The following GATA4 variants were observed in gnomAD, a reference collection of about 807,000 sequenced individuals.
GATA4 encodes GATA binding protein 4.
A neutral mutation model predicts 37.9 loss-of-function variants in GATA4; 7 were observed. The observed-to-expected ratio is 0.18, with a 90% CI of 0.11 to 0.35. The LOEUF is 0.35. Among genes scored for constraint, GATA4 ranks in the 10% least tolerant of loss-of-function variants. GATA4 has a pLI of 1.00. For missense variants in GATA4, 647 were observed against 653.0 expected (o/e 0.99, Z 0.10); for synonymous variants, 372 against 292.6 (o/e 1.27, Z -2.77).
chr8:11,721,675 A>G (rs1358173453), intron 2 of GATA4, among the ~76,000 whole-genome samples: 1 of 152,136 alleles, frequency 6.6e-6, no homozygotes, highest in Admixed American at 6.5e-5. Flanking sequence ...AACTCAAGCC[A>G]ATTTTAGTCC....
chr8:11,697,192 CAG>C (rs1339336661), intron 1 of GATA4, among the ~76,000 whole-genome samples: 1 of 152,244 alleles, frequency 6.6e-6, no homozygotes, highest in Non-Finnish European at 1.5e-5. Flanking sequence ...TGCTGCAGAA[CAG>C]GGGGCAGCAC....
At chr8:11,723,837 G>T (rs535903301) in intron 2 of GATA4, among the ~76,000 whole-genome samples, 1 of 152,094 alleles carries the variant, frequency 6.6e-6, no homozygotes, top group South Asian at 2.1e-4. Flanking sequence ...AAAATGTACC[G>T]TTTTAGCCAT....
chr8:11,757,535 T>TAC (rs1802658770), intron 6 of GATA4, among the ~76,000 whole-genome samples: 1 of 152,144 alleles, frequency 6.6e-6, no homozygotes, highest in African/African-American at 2.4e-5. Context: ...GTCTGCCTCC[T>TAC]ACGTGCAGGG....
intron 1 of GATA4, chr8:11,680,736 C>A: frequency 1.0e-6 from 1 of 985,316 alleles, no homozygotes; most frequent in Non-Finnish European, 1.2e-6. Flanking sequence ...CCCTGGGCGG[C>A]GAGGAGAGCC....
intron 2 of GATA4, among the ~76,000 whole-genome samples, chr8:11,730,865 T>A (rs973700648): frequency 2.0e-5 from 3 of 152,236 alleles, no homozygotes; most frequent in African/African-American, 4.8e-5. Context: ...TCAGCCTGAC[T>A]TCCCCGGCCA....
chr8:11,681,842 A>G (rs969841274), intron 1 of GATA4, among the ~76,000 whole-genome samples: 1 of 152,038 alleles, frequency 6.6e-6, no homozygotes, highest in Admixed American at 6.6e-5. Context: ...GACCCGGCTG[A>G]TGTAAGGACT....
rs573032113 is a variant in GATA4 at position 11,681,429 on chromosome 8, G to C, written c.-274+4366G>C. ...CGCGTGGCTCAACTCGGGGGCCGTA[G>C]CTACGATCCCCGCGCAGACGCCGGA... On this transcript the variant is annotated intron_variant, in intron 1 of 6. Coordinates refer to the GATA4 transcript ENST00000528712. The C allele has an allele frequency of 5.1e-6, 5 of 984,516 alleles. No homozygotes were observed. In the Admixed American group the frequency reaches 1.9e-4, roughly 36 times the overall value. 61.0% of individuals were successfully genotyped at this position (984,516 alleles called of 1,614,324 possible).
intron 2 of GATA4, among the ~76,000 whole-genome samples, chr8:11,748,664 C>T (rs1162413599): frequency 6.6e-6 from 1 of 152,146 alleles, no homozygotes; most frequent in Non-Finnish European, 1.5e-5. Flanking sequence ...AGGTGTCCCG[C>T]CTCCCAGCCC....
chr8:11,681,406 C>A (rs1029423789), intron 1 of GATA4: 1 of 984,870 alleles, frequency 1.0e-6, no homozygotes, highest in Non-Finnish European at 1.2e-6. Flanking sequence ...CGGGATCACG[C>A]GTGGCTCAAC....
intron 1 of GATA4, among the ~76,000 whole-genome samples, chr8:11,686,737 T>C (rs1347488445): frequency 6.6e-6 from 1 of 152,186 alleles, no homozygotes; most frequent in Non-Finnish European, 1.5e-5. Context: ...CAGTAGCTCA[T>C]GCCTCTAATC....
At chr8:11,729,052 G>C (rs186322257) in intron 2 of GATA4, among the ~76,000 whole-genome samples, 2 of 152,100 alleles carry the variant, frequency 1.3e-5, no homozygotes, top group African/African-American at 2.4e-5. Context: ...GGCCAACATG[G>C]TGAAACCCCT....
chr8:11,724,732 G>GTGTA (rs943310214), intron 2 of GATA4, among the ~76,000 whole-genome samples: 2 of 152,182 alleles, frequency 1.3e-5, no homozygotes, highest in Non-Finnish European at 2.9e-5. Flanking sequence ...GTGTGTGTGT[G>GTGTA]TATCAAATGC....
At chr8:11,692,759 CG>C (rs1222187932) in intron 1 of GATA4, 3 of 982,176 alleles carry the variant, frequency 3.1e-6, no homozygotes, top group African/African-American at 1.8e-5. Flanking sequence ...CGCGGACGGA[CG>C]GGGGGCGGGA....
chr8:11,756,899 C>T lies in GATA4; in HGVS notation c.1001-36C>T, dbSNP rs372062855. 469 of 1,614,132 alleles carry T rather than the reference C, an allele frequency of 2.9e-4. 6 individuals carry two copies. The South Asian group carries it at 3.7e-3, about 13-fold the overall frequency. ...CTGCCGGCTGTTCGTTTGTCCCTGC[C>T]GCTGATTTGGGTGTGCTGACTCTGC... On this transcript the variant is annotated intron_variant, in intron 5 of 6. Transcript: ENST00000532059.
chr8:11,687,629 T>C (rs567721801), upstream of GATA4, among the ~76,000 whole-genome samples: 3 of 152,326 alleles, frequency 2.0e-5, no homozygotes, highest in South Asian at 2.1e-4. Flanking sequence ...GATTCAGAGA[T>C]GTTGTAAAGC....
chr8:11,732,919 C>G (rs984779898), intron 2 of GATA4, among the ~76,000 whole-genome samples: 2 of 152,154 alleles, frequency 1.3e-5, no homozygotes, highest in African/African-American at 4.8e-5. Context: ...TGGTCCATAC[C>G]TCTCAGCTCT....
upstream of GATA4, among the ~76,000 whole-genome samples, chr8:11,687,631 T>C (rs559942094): frequency 3.3e-5 from 5 of 152,324 alleles, no homozygotes; most frequent in African/African-American, 1.2e-4. Flanking sequence ...TTCAGAGATG[T>C]TGTAAAGCCA....
chr8:11,692,639 C>A, exon 1 of GATA4: 1 of 985,238 alleles, frequency 1.0e-6, no homozygotes, highest in Non-Finnish European at 1.2e-6. Context: ...GGCCTCTGCG[C>A]CTCAGCCGAC....
intron 2 of GATA4, among the ~76,000 whole-genome samples, chr8:11,715,368 A>G (rs1800391226): frequency 6.6e-6 from 1 of 152,182 alleles, no homozygotes; most frequent in Non-Finnish European, 1.5e-5. Context: ...TCATTTTTAT[A>G]CTCATTTCTG....
Sources: allele counts gnomAD v4.1 joint callset (sites outside exome capture counted in the v4.1 genomes callset), GRCh38; gene constraint gnomAD v4.1.1; transcripts MANE v1.5; gene names NCBI Gene and HGNC (gene_info 2026-07-23, HGNC 2026-07-21).